ROBO1: variants seen among roughly 807,000 people sequenced by gnomAD.
ROBO1 encodes the protein roundabout guidance receptor 1, also known as roundabout homolog 1.
ROBO1 carries 149 observed loss-of-function variants against 195.9 expected under a neutral mutation model. That is an observed-to-expected ratio of 0.76 (90% CI 0.67 to 0.87). ROBO1 has a LOEUF of 0.87. Ranked by LOEUF, ROBO1 falls within the 40% of genes least tolerant of loss-of-function variation. ROBO1 has a pLI of 0.00. For missense variants in ROBO1, 1,933 were observed against 2,068.3 expected, an observed-to-expected ratio of 0.93 and a Z score of 1.27; for synonymous variants, 816 against 733.2, an observed-to-expected ratio of 1.11 and a Z score of -1.82.
rs542754105 is a variant in ROBO1, at chr3:79,018,786, G to C, written c.173-79859C>G. The C allele has an allele frequency of 1.4e-5, 15 of 1,075,552 alleles. No individual in the cohort carries two copies. The East Asian group carries it at 9.0e-4, about 65-fold the overall frequency. 66.6% of individuals were successfully genotyped at this position (1,075,552 alleles called of 1,614,324 possible). The stretch of plus-strand genomic sequence containing the variant: ...CAGTAGTGCCGTTTCCTGCCTCCAC[G>C]GTCTTGCGGAGCCTCCCGGCGTGCG... On this transcript the variant is annotated intron_variant, in intron 3 of 30. Coordinates refer to ENST00000464233, the MANE Select transcript of ROBO1 (RefSeq NM_002941.4).
chr3:79,339,451 C>T (rs2034818071), intron 2 of ROBO1, among the ~76,000 whole-genome samples: 1 of 152,268 alleles, frequency 6.6e-6, no homozygotes, highest in Non-Finnish European at 1.5e-5. Flanking sequence ...AACACATTTG[C>T]ATGCCATCGT....
intron 2 of ROBO1, among the ~76,000 whole-genome samples, chr3:79,479,050 CACTT>C (rs752648522): frequency 1.2e-4 from 19 of 152,338 alleles, no homozygotes; most frequent in Non-Finnish European, 2.4e-4. Flanking sequence ...TGTATTATAA[CACTT>C]ACACATCTGT....
rs2082261473 is a variant in ROBO1 at position 78,730,457 on chromosome 3, A to C, written c.658-12574T>G. ...TTACAGAAATGCATTTTTTATTCAAAAATATAAACAGCATTTAATATTACT... is the reference window on the plus strand; with the variant it reads ...TTACAGAAATGCATTTTTTATTCAACAATATAAACAGCATTTAATATTACT... On this transcript the variant is annotated intron_variant, in intron 5 of 30. Transcript: ENST00000464233. Among the ~76,000 whole-genome samples the C allele has an allele frequency of 1.6e-5, 2 of 122,564 alleles. 1 individual carries two copies. Among genetic ancestry groups the C allele is most frequent in the South Asian group, 5.7e-4 (2 of 3,482 alleles). The allele number at this position is 122,564 out of a possible 152,430, so 80.4% of individuals were successfully genotyped here.
chr3:78,780,718 G>T (rs1207937437), intron 4 of ROBO1, among the ~76,000 whole-genome samples: 1 of 152,008 alleles, frequency 6.6e-6, no homozygotes, highest in Non-Finnish European at 1.5e-5. Context: ...CATTACTATT[G>T]ACCTGCTTCT....
chr3:79,460,177 G>A (rs1325819728), intron 2 of ROBO1, among the ~76,000 whole-genome samples: 5 of 152,140 alleles, frequency 3.3e-5, no homozygotes, highest in Admixed American at 3.3e-4. Flanking sequence ...CTGGTTAGAA[G>A]GAAAGAGGAA....
chr3:79,484,394 T>C (rs1163723183), intron 2 of ROBO1, among the ~76,000 whole-genome samples: 1 of 152,182 alleles, frequency 6.6e-6, no homozygotes, highest in Non-Finnish European at 1.5e-5. Flanking sequence ...GTGGGAAAGA[T>C]GCTATTTATT....
At chr3:78,843,067 A>G (rs1022552065) in intron 4 of ROBO1, among the ~76,000 whole-genome samples, 4 of 152,132 alleles carry the variant, frequency 2.6e-5, no homozygotes, top group Non-Finnish European at 5.9e-5. Flanking sequence ...AATGTATAAC[A>G]TGCTACTATT....
intron 4 of ROBO1, among the ~76,000 whole-genome samples, chr3:78,793,344 C>T (rs2108537153): frequency 6.6e-6 from 1 of 152,288 alleles, no homozygotes; most frequent in African/African-American, 2.4e-5. Context: ...ATAGCGATAT[C>T]TGTCAAATTC....
intron 2 of ROBO1, among the ~76,000 whole-genome samples, chr3:79,250,438 G>A (rs2082698554): frequency 6.6e-6 from 1 of 152,048 alleles, no homozygotes; most frequent in Non-Finnish European, 1.5e-5. Context: ...AACACCAAAA[G>A]GACTTTTTGT....
intron 4 of ROBO1, among the ~76,000 whole-genome samples, chr3:78,837,755 C>T (rs1337167086): frequency 1.3e-5 from 2 of 151,662 alleles, no homozygotes; most frequent in African/African-American, 2.4e-5. Flanking sequence ...TCATTGAAGC[C>T]ATGAAAAATA....
chr3:79,324,895 C>T (rs1396377915), intron 2 of ROBO1, among the ~76,000 whole-genome samples: 1 of 152,076 alleles, frequency 6.6e-6, no homozygotes, highest in African/African-American at 2.4e-5. Context: ...CTCAGGGAGA[C>T]AAGAATACAA....
At chr3:79,209,216 T>G (rs2108797888) in intron 2 of ROBO1, among the ~76,000 whole-genome samples, 1 of 152,226 alleles carries the variant, frequency 6.6e-6, no homozygotes. Flanking sequence ...TAGCTTAGCT[T>G]CCACTTACAA....
intron 1 of ROBO1, among the ~76,000 whole-genome samples, chr3:79,678,890 C>T (rs982719472): frequency 5.9e-5 from 9 of 152,048 alleles, no homozygotes; most frequent in Non-Finnish European, 1.0e-4. Flanking sequence ...TTTAACACAC[C>T]TCTGTATATT....
chr3:78,839,763 A>C (rs1296492388), intron 4 of ROBO1, among the ~76,000 whole-genome samples: 2 of 152,142 alleles, frequency 1.3e-5, no homozygotes, highest in South Asian at 4.1e-4. Context: ...GAACCACTTC[A>C]GTTTCTCTCC....
intron 2 of ROBO1, among the ~76,000 whole-genome samples, chr3:79,174,120 C>T (rs534697620): frequency 6.6e-6 from 1 of 152,068 alleles, no homozygotes; most frequent in East Asian, 1.9e-4. Context: ...GCAGTGGCAA[C>T]CTGCTCAGGT....
At chr3:78,984,641 AC>A (rs1390561628) in intron 3 of ROBO1, among the ~76,000 whole-genome samples, 1 of 152,026 alleles carries the variant, frequency 6.6e-6, no homozygotes, top group Non-Finnish European at 1.5e-5. Flanking sequence ...TTCCTCCTCT[AC>A]CCCAGAAAGG....
At chr3:79,115,364 T>G (rs761964975) in intron 3 of ROBO1, among the ~76,000 whole-genome samples, 5 of 152,044 alleles carry the variant, frequency 3.3e-5, no homozygotes, top group East Asian at 1.9e-4. Context: ...ACGAGATGGA[T>G]CCTTTGAATG....
At chr3:79,180,370 C>A (rs911248587) in intron 2 of ROBO1, among the ~76,000 whole-genome samples, 1 of 152,186 alleles carries the variant, frequency 6.6e-6, no homozygotes, top group South Asian at 2.1e-4. Flanking sequence ...TGACTCCCTG[C>A]CTCAATGAAG....
intron 8 of ROBO1, among the ~76,000 whole-genome samples, chr3:78,711,380 TTCCTTCCTTCCTTC>T (rs1559773300): frequency 1.3e-3 from 45 of 34,006 alleles, no homozygotes; most frequent in Non-Finnish European, 2.0e-3. Flanking sequence ...CCTTCCTTCC[TTCCTTCCTTCCTTC>T]CTTCCTTTCT....
Sources: gnomAD v4.1 joint callset for allele counts (sites outside exome capture counted in the v4.1 genomes callset) on GRCh38, gnomAD v4.1.1 for gene constraint, MANE v1.5 for transcripts, NCBI Gene and HGNC (gene_info 2026-07-23, HGNC 2026-07-21) for gene names.